The following SPECC1 variants were observed in gnomAD, a reference collection of about 807,000 sequenced individuals.
SPECC1 encodes the protein cytospin-B.
In SPECC1, 62 loss-of-function variants were observed where a neutral mutation model predicts 104.1. The ratio of observed to expected loss-of-function variants is 0.60; its 90% CI spans 0.49 to 0.74. The LOEUF is 0.74. Ranked by LOEUF, SPECC1 falls within the 30% of genes least tolerant of loss-of-function variation. The pLI is 0.00. For missense variants in SPECC1, 1,306 were observed against 1,310.5 expected (o/e 1.00, Z 0.05); for synonymous variants, 513 against 501.6 (o/e 1.02, Z -0.30).
Position 20,260,356 on chromosome 17 carries a change from C to T in SPECC1, c.2940+62C>T, listed in dbSNP as rs371910332. ...GGGCAGTAGTAGTCCTGTGCCAATA[C>T]ATGTTCCTTGTGTGCCTGTGCTTGA... On this transcript the variant is annotated intron_variant, in intron 12 of 14. Coordinates refer to ENST00000395527, the MANE Select transcript of SPECC1 (RefSeq NM_001243439.2). 6.7e-5 allele frequency: 95 copies of T among 1,428,554 alleles called. No individual in the cohort carries two copies. In the African/African-American group the frequency reaches 1.0e-3, roughly 16 times the overall value. The allele number at this position is 1,428,554 out of a possible 1,614,324, so 88.5% of individuals were successfully genotyped here.
chr17:20,019,452 C>A (rs1399160042), intron 1 of SPECC1, among the ~76,000 whole-genome samples: 2 of 151,944 alleles, frequency 1.3e-5, no homozygotes, highest in African/African-American at 4.8e-5. Context: ...GAGAACATTT[C>A]CTGATGTTGG....
At chr17:20,080,242 A>G (rs1300301558) in intron 1 of SPECC1, among the ~76,000 whole-genome samples, 1 of 152,150 alleles carries the variant, frequency 6.6e-6, no homozygotes, top group Admixed American at 6.5e-5. Flanking sequence ...AAGGGATGCT[A>G]TTTATATGGG....
chr17:20,260,391 A>G (rs1353607931), intron 12 of SPECC1, 97 bp downstream of exon 12: 40 of 957,910 alleles, frequency 4.2e-5, no homozygotes, highest in Non-Finnish European at 6.0e-5. Flanking sequence ...ATGGGCCAAT[A>G]TGCATGTAAT....
chr17:20,262,506 C>CT (rs2151602753), intron 12 of SPECC1, among the ~76,000 whole-genome samples: 1 of 152,292 alleles, frequency 6.6e-6, no homozygotes, highest in East Asian at 1.9e-4. Flanking sequence ...ATGTGTAGTA[C>CT]TGTCTCACTG....
intron 4 of SPECC1, among the ~76,000 whole-genome samples, chr17:20,208,290 ATATC>A (rs2036913513): frequency 6.6e-6 from 1 of 152,216 alleles, no homozygotes; most frequent in Admixed American, 6.5e-5. Flanking sequence ...GGTTTCTTGT[ATATC>A]TATCAAGACC....
chr17:20,313,859 CTGTG>C, intron 14 of SPECC1, 113 bp from the exon 15 acceptor site: 6 of 888,652 alleles, frequency 6.8e-6, no homozygotes, highest in South Asian at 6.1e-5. Context: ...CACGTTCTGT[CTGTG>C]TAAGTGGAGG....
At chr17:20,252,097 G>A (rs1378976379) in intron 9 of SPECC1, among the ~76,000 whole-genome samples, 2 of 152,026 alleles carry the variant, frequency 1.3e-5, no homozygotes, top group African/African-American at 2.4e-5. Flanking sequence ...AAAACAGAGG[G>A]TGTTTTTCAA....
chr17:20,096,697 G>C lies in SPECC1; in HGVS notation c.46G>C (p.Gly16Arg), dbSNP rs1259881690. 1.2e-6 allele frequency: 2 copies of C among 1,614,188 alleles called. No homozygotes were observed. The highest frequency in any genetic ancestry group is 1.7e-6 in the Non-Finnish European group (2 of 1,180,018). The change falls in exon 2 of 15, where the codon GGC becomes CGC. Residue 16 changes from glycine to arginine, a missense_variant. Gly to Arg is a moderately radical substitution (Grantham distance 125, BLOSUM62 -2). Coordinates refer to ENST00000395527, the MANE Select transcript of SPECC1 (RefSeq NM_001243439.2). Reference protein sequence around the residue: ...KPWNPAIRAGGHGPDRVRPLP... With the variant: ...KPWNPAIRAGRHGPDRVRPLP... ...CTGGAACCCAGCCATCAGAGCAGGG[G>C]GCCACGGCCCAGACCGGGTGCGGCC...
chr17:20,067,907 T>G (rs1222585887), intron 1 of SPECC1, among the ~76,000 whole-genome samples: 1 of 152,082 alleles, frequency 6.6e-6, no homozygotes, highest in Admixed American at 6.6e-5. Flanking sequence ...TCAAGTACTT[T>G]CTGTTTGTGT....
chr17:20,131,103 T>TAA, intron 3 of SPECC1, among the ~76,000 whole-genome samples: 1 of 152,350 alleles, frequency 6.6e-6, no homozygotes, highest in Non-Finnish European at 1.5e-5. Flanking sequence ...AGTCGCTTAT[T>TAA]AGTTCTAGGA....
intron 3 of SPECC1, among the ~76,000 whole-genome samples, chr17:20,183,890 A>G (rs12940385): frequency 1.2e-4 from 18 of 151,992 alleles, no homozygotes; most frequent in East Asian, 1.9e-4. Context: ...AATGATGTCA[A>G]CCGGGCGTGG....
At chr17:20,152,106 G>T (rs987603161) in intron 3 of SPECC1, among the ~76,000 whole-genome samples, 2 of 151,882 alleles carry the variant, frequency 1.3e-5, no homozygotes, top group South Asian at 4.2e-4. Context: ...TTTGAGACCA[G>T]CCTGACCAAC....
intron 1 of SPECC1, among the ~76,000 whole-genome samples, chr17:20,056,974 G>A (rs772040839): frequency 4.5e-4 from 68 of 152,022 alleles, no homozygotes; most frequent in African/African-American, 1.5e-3. Flanking sequence ...ATAGAAAGCC[G>A]AAACCAGAAT....
intron 2 of SPECC1, among the ~76,000 whole-genome samples, chr17:20,106,578 G>C (rs1299853373): frequency 2.0e-5 from 3 of 152,158 alleles, no homozygotes; most frequent in African/African-American, 7.2e-5. Context: ...GAATCCTGCT[G>C]TTCTCATGAT....
intron 3 of SPECC1, among the ~76,000 whole-genome samples, chr17:20,156,954 G>A (rs550304150): frequency 1.3e-5 from 2 of 152,310 alleles, no homozygotes; most frequent in South Asian, 2.1e-4. Flanking sequence ...TGATAGGAAA[G>A]AGGTGGTTGA....
intron 2 of SPECC1, among the ~76,000 whole-genome samples, chr17:20,101,382 A>G (rs1404069164): frequency 6.6e-6 from 1 of 152,152 alleles, no homozygotes; most frequent in South Asian, 2.1e-4. Context: ...ATGGTATCTC[A>G]TTATGGTTTT....
At chr17:20,052,946 C>A (rs1289589360) in intron 1 of SPECC1, among the ~76,000 whole-genome samples, 1 of 152,198 alleles carries the variant, frequency 6.6e-6, no homozygotes. Context: ...AGAGACAGGA[C>A]CACACTAAAT....
chr17:20,157,388 C>T (rs550615201), intron 3 of SPECC1, among the ~76,000 whole-genome samples: 12 of 152,114 alleles, frequency 7.9e-5, no homozygotes, highest in African/African-American at 2.6e-4. Flanking sequence ...CTAGAGGTGA[C>T]TTTAGTTACA....
At chr17:20,081,664 T>A (rs1379120372) in intron 1 of SPECC1, among the ~76,000 whole-genome samples, 1 of 152,006 alleles carries the variant, frequency 6.6e-6, no homozygotes. Flanking sequence ...TGGTGGCATC[T>A]GGAAGATTGG....
Sources: allele counts gnomAD v4.1 joint callset (sites outside exome capture counted in the v4.1 genomes callset), GRCh38; gene constraint gnomAD v4.1.1; transcripts MANE v1.5; gene names NCBI Gene and HGNC (gene_info 2026-07-23, HGNC 2026-07-21).